The following CHCHD6 variants were observed in gnomAD, a reference collection of about 807,000 sequenced individuals.
CHCHD6 encodes the protein coiled-coil-helix-coiled-coil-helix domain containing 6, also known as MICOS complex subunit MIC25.
In CHCHD6, 28 loss-of-function variants were observed where a neutral mutation model predicts 32.3. The observed-to-expected ratio is 0.87, with a 90% confidence interval of 0.64 to 1.19. CHCHD6 has a LOEUF of 1.19. CHCHD6 is among the 50% of genes most tolerant of loss of function. The probability of loss-of-function intolerance (pLI) is 0.00; values close to 1 mark genes in which losing one functional copy is unlikely to be tolerated. For synonymous variants in CHCHD6, 122 were observed against 117.5 expected (o/e 1.04, Z -0.25); for missense variants, 333 against 307.0 (o/e 1.08, Z -0.63).
chr3:126,828,803 T>G (rs960680694), intron 4 of CHCHD6, among the ~76,000 whole-genome samples: 1 of 152,242 alleles, frequency 6.6e-6, no homozygotes, highest in African/African-American at 2.4e-5. Flanking sequence ...CCCAGGAGGC[T>G]GCACTATTTG....
At chr3:126,935,256 CT>C in intron 6 of CHCHD6, 1 of 597,654 alleles carries the variant, frequency 1.7e-6, no homozygotes, top group Non-Finnish European at 2.1e-6. Context: ...GTGGTGTTCC[CT>C]TTTGAGAGCC....
chr3:126,798,976 G>A (rs771230647), intron 4 of CHCHD6, among the ~76,000 whole-genome samples: 4 of 152,142 alleles, frequency 2.6e-5, no homozygotes, highest in Non-Finnish European at 5.9e-5. Flanking sequence ...TGGCTTAAAT[G>A]TACCCTCCTT....
chr3:126,864,325 C>T (rs1576520419), intron 5 of CHCHD6, among the ~76,000 whole-genome samples: 1 of 151,028 alleles, frequency 6.6e-6, no homozygotes, highest in African/African-American at 2.4e-5. Context: ...ACTTCCACCT[C>T]CACCACCACC....
At position 126,851,882 on chromosome 3, in the gene CHCHD6, T is replaced by C. The variant is rs550189958; in HGVS notation, c.412-765T>C. Among the ~76,000 whole-genome samples the C allele has an allele frequency of 2.6e-5, 4 of 152,344 alleles. No homozygotes were observed. In the East Asian group the frequency reaches 7.7e-4, roughly 29 times the overall value. On this transcript the variant is annotated intron_variant, in intron 4 of 7. Coordinates refer to ENST00000290913, the MANE Select transcript of CHCHD6 (RefSeq NM_032343.3). ...GAGGAAGCTGGAGGTCAGGAACTTG[T>C]TCAAGGTCGCCTAGCTAATTAAGGG...
intron 6 of CHCHD6, among the ~76,000 whole-genome samples, chr3:126,948,082 G>A (rs983226273): frequency 2.0e-5 from 3 of 152,208 alleles, no homozygotes; most frequent in African/African-American, 7.2e-5. Flanking sequence ...AACGATCAGA[G>A]ATACATTGGT....
chr3:126,704,532 G>C, intron 1 of CHCHD6, 133 bp downstream of exon 1: 1 of 528,464 alleles, frequency 1.9e-6, no homozygotes, highest in South Asian at 3.7e-5. Flanking sequence ...GGGGGCTCAG[G>C]CCAGGAAGAG....
At chr3:126,942,343 A>G (rs577524526) in intron 6 of CHCHD6, among the ~76,000 whole-genome samples, 1 of 152,272 alleles carries the variant, frequency 6.6e-6, no homozygotes, top group East Asian at 1.9e-4. Flanking sequence ...CCTGATCCTC[A>G]TCTAACTTCC....
intron 4 of CHCHD6, among the ~76,000 whole-genome samples, chr3:126,848,497 G>A (rs530779914): frequency 2.6e-5 from 4 of 152,312 alleles, no homozygotes; most frequent in Admixed American, 6.5e-5. Flanking sequence ...ATTGGAGATT[G>A]TAATGCTAGC....
chr3:126,814,895 T>C (rs2107533233), intron 4 of CHCHD6, among the ~76,000 whole-genome samples: 2 of 152,272 alleles, frequency 1.3e-5, no homozygotes, highest in East Asian at 3.9e-4. Context: ...AAGGCAGTTT[T>C]GGGGATAGCC....
At chr3:126,829,095 C>A (rs1233365893) in intron 4 of CHCHD6, among the ~76,000 whole-genome samples, 3 of 152,166 alleles carry the variant, frequency 2.0e-5, no homozygotes, top group African/African-American at 7.2e-5. Flanking sequence ...ACCTTCTTTT[C>A]TAATATAGAG....
chr3:126,717,211 G>A (rs185481046), intron 1 of CHCHD6, among the ~76,000 whole-genome samples: 1 of 152,176 alleles, frequency 6.6e-6, no homozygotes, highest in African/African-American at 2.4e-5. Context: ...GATTAGTGAG[G>A]TGGTCTGTGC....
intron 4 of CHCHD6, among the ~76,000 whole-genome samples, chr3:126,806,850 A>G (rs1939408805): frequency 6.6e-6 from 1 of 152,088 alleles, no homozygotes; most frequent in South Asian, 2.1e-4. Context: ...CATATACACC[A>G]TGGAATACTA....
In CHCHD6 at chr3:126,794,600, AT is replaced by A. The variant is rs1938704221; in HGVS notation, c.412-58041del. On this transcript the variant is annotated intron_variant, in intron 4 of 7. Coordinates refer to ENST00000290913, the MANE Select transcript of CHCHD6 (RefSeq NM_032343.3). ...AAAAAGTTTGAATCTTGTAAACTTT[AT>A]TTTTTCACATCTAAAAATGTCTTTC... Among the ~76,000 whole-genome samples the A allele has an allele frequency of 2.6e-5, 4 of 152,050 alleles. No individual in the cohort carries two copies. In the South Asian group the frequency reaches 8.3e-4, roughly 32 times the overall value.
intron 4 of CHCHD6, among the ~76,000 whole-genome samples, chr3:126,781,082 A>G (rs1419025818): frequency 6.6e-6 from 1 of 152,180 alleles, no homozygotes; most frequent in Non-Finnish European, 1.5e-5. Context: ...TGGTTTCACT[A>G]GATTGGGCAC....
rs1553725106 is a variant in CHCHD6 at position 126,727,130 on chromosome 3, C to T, written c.140C>T (p.Ala47Val). The T allele has an allele frequency of 6.8e-6, 11 of 1,614,154 alleles. No individual in the cohort carries two copies. In the South Asian group the frequency reaches 1.2e-4, roughly 18 times the overall value. The part of the protein sequence containing the change: ...RMKEPSSPPP[A>V]PTSSTFGLQD... ...AAGGAGCCCAGCTCTCCACCCCCTG[C>T]TCCCACATCTTCTACCTTTGGCCTT... Residue 47 changes from alanine (A) to valine (V), a missense_variant, in exon 2 of 8, where the codon GCT (alanine) becomes GTT (valine). Transcript: ENST00000290913.
At chr3:126,905,663 G>A (rs2077994704) in intron 5 of CHCHD6, among the ~76,000 whole-genome samples, 1 of 152,150 alleles carries the variant, frequency 6.6e-6, no homozygotes, top group South Asian at 2.1e-4. Context: ...CCAGGATGGG[G>A]GGTGTGTGAG....
chr3:126,954,120 AT>A (rs2078752750), intron 6 of CHCHD6, among the ~76,000 whole-genome samples: 1 of 152,132 alleles, frequency 6.6e-6, no homozygotes, highest in Non-Finnish European at 1.5e-5. Context: ...TCCAGTTGAC[AT>A]TTGCCTTCCA....
intron 5 of CHCHD6, among the ~76,000 whole-genome samples, chr3:126,905,022 G>A (rs1412983750): frequency 6.6e-6 from 1 of 152,150 alleles, no homozygotes; most frequent in African/African-American, 2.4e-5. Flanking sequence ...GGCCAGGGGC[G>A]GGAGCAGTGG....
chr3:126,736,676 G>A (rs1279494628), intron 4 of CHCHD6, among the ~76,000 whole-genome samples: 1 of 152,172 alleles, frequency 6.6e-6, no homozygotes, highest in Non-Finnish European at 1.5e-5. Flanking sequence ...ATCTAGTGCA[G>A]CAGTGATGAA....
Sources: allele counts gnomAD v4.1 joint callset (sites outside exome capture counted in the v4.1 genomes callset), GRCh38; gene constraint gnomAD v4.1.1; transcripts MANE v1.5; gene names NCBI Gene and HGNC (gene_info 2026-07-23, HGNC 2026-07-21).